CAMSAP3: variants seen among roughly 807,000 people sequenced by gnomAD.
CAMSAP3 encodes calmodulin regulated spectrin associated protein family member 3.
CAMSAP3 carries 34 observed loss-of-function variants against 112.5 expected under a neutral mutation model. The ratio of observed to expected loss-of-function variants is 0.30; its 90% CI spans 0.23 to 0.40. The LOEUF (loss-of-function observed/expected upper bound fraction) is 0.40. Ranked by LOEUF, CAMSAP3 falls within the 10% of genes least tolerant of loss-of-function variation. CAMSAP3 has a pLI of 1.00. For missense variants in CAMSAP3, 1,602 were observed against 1,770.3 expected (o/e 0.90, Z 1.71); for synonymous variants, 868 against 799.8 (o/e 1.09, Z -1.44).
At chr19:7,597,369 G>A (rs2024462387) in intron 1 of CAMSAP3, among the ~76,000 whole-genome samples, 1 of 152,176 alleles carries the variant, frequency 6.6e-6, no homozygotes, top group Admixed American at 6.5e-5. Context: ...GGACAGCCAG[G>A]ACAGCCCCAG....
rs1465991606 is a variant in CAMSAP3, at chr19:7,605,343, G to T, written c.266G>T (p.Arg89Leu). The T allele has an allele frequency of 3.7e-6, 6 of 1,607,702 alleles. No individual in the cohort carries two copies. In the Admixed American group the frequency reaches 1.0e-4, roughly 27 times the overall value. The change falls in exon 2 of 17, where the codon CGC (arginine) becomes CTC (leucine). Residue 89 changes from arginine (R) to leucine (L), a missense_variant. Arg to Leu is a moderately radical substitution (Grantham distance 102, BLOSUM62 -2). Transcript: ENST00000160298. ...GCCGAGCTCTACTGCAGAGCCTGGC[G>T]CCAGGCACTGCCACAGCTTGAAACA... Reference protein sequence around the residue: ...LSAELYCRAWRQALPQLETPP... With the variant: ...LSAELYCRAWLQALPQLETPP...
chr19:7,616,570 A>G lies in CAMSAP3; in HGVS notation c.3160A>G (p.Thr1054Ala). The change falls in exon 14 of 17, where the codon ACT (threonine) becomes GCT (alanine). Residue 1054 changes from threonine (T) to alanine (A), a missense_variant. This residue lies in a region of CAMSAP3 where 1,100 missense variants were observed against 1,135.7 expected (regional missense o/e 0.97). Coordinates refer to ENST00000160298, the MANE Select transcript of CAMSAP3 (RefSeq NM_020902.2). The stretch of plus-strand genomic sequence containing the variant: ...TTCCCAGTCCACCCTGTCACTGTCC[A>G]CTGTGGCCAACGAGGCCCACAATAA... ...IYSQSTLSLS[T>A]VANEAHNNLG... 1.2e-6 allele frequency: 2 copies of G among 1,611,404 alleles called. No individual in the cohort carries two copies. Among genetic ancestry groups the G allele is most frequent in the East Asian group, 2.2e-5 (1 of 44,738 alleles).
At position 7,611,673 on chromosome 19, in the gene CAMSAP3, C is replaced by A; in HGVS notation, c.1194-14C>A. On this transcript the variant is annotated splice_polypyrimidine_tract_variant and intron_variant, in intron 10 of 16. Coordinates refer to ENST00000160298, the MANE Select transcript of CAMSAP3 (RefSeq NM_020902.2). The surrounding 1 kb of genome is among the most constrained non-coding windows in gnomAD (Gnocchi z 6.9). ...GCTGGTCCCAGGGGCTGACCCCTCC[C>A]TCCGGCCGCCCAGCCGTCCCCTCTC... 2.6e-6 allele frequency: 4 copies of A among 1,566,220 alleles called. No homozygotes were observed. The highest frequency in any genetic ancestry group is 3.5e-6 in the Non-Finnish European group (4 of 1,152,904).
Position 7,617,180 on chromosome 19 carries a change from G to A in CAMSAP3, c.3213-146G>A. The A allele has an allele frequency of 1.5e-6, 1 of 665,100 alleles. No individual in the cohort carries two copies. Among genetic ancestry groups the A allele is most frequent in the Non-Finnish European group, 2.7e-6 (1 of 370,104 alleles). 41.2% of individuals were successfully genotyped at this position (665,100 alleles called of 1,614,324 possible). ...GATCTGCCCGCTTTGGCCTCCCGAA[G>A]TGCTGGGATTACAGGCATGAGCCAC... On this transcript the variant is annotated intron_variant, in intron 14 of 16. Coordinates refer to ENST00000160298, the MANE Select transcript of CAMSAP3 (RefSeq NM_020902.2). The surrounding 1 kb of genome is among the most constrained non-coding windows in gnomAD (Gnocchi z 7.5).
Position 7,610,767 on chromosome 19 carries a change from A to G in CAMSAP3, c.968A>G (p.Gln323Arg), listed in dbSNP as rs1231684881. The change falls in exon 7 of 17, where the codon CAA (glutamine) becomes CGA (arginine). Residue 323 changes from glutamine (Q) to arginine (R), a missense_variant. By Grantham distance (43) the Gln-to-Arg change is conservative (BLOSUM62 1). Transcript: ENST00000160298. This position sits in a 1 kb window ranked among gnomAD's most constrained non-coding sequence, Gnocchi z 4.9. ...GAGGTGCTCAAGCCCGACTTTGTGC[A>G]AGTGAAGGACTTGCCCGATGGTCAC... is the stretch of plus-strand genomic sequence containing the variant. ...CFEVLKPDFV[Q>R]VKDLPDGHAA... 1 of 1,613,882 alleles carries G rather than the reference A, an allele frequency of 6.2e-7. No homozygotes were observed. Among genetic ancestry groups the G allele is most frequent in the Non-Finnish European group, 8.5e-7 (1 of 1,179,988 alleles).
chr19:7,613,150 G>A lies in CAMSAP3; in HGVS notation c.2657G>A (p.Gly886Glu). 6.7e-7 allele frequency: 1 copy of A among 1,502,026 alleles called. No homozygotes were observed. Among genetic ancestry groups the A allele is most frequent in the Non-Finnish European group, 8.9e-7 (1 of 1,117,884 alleles). The allele number at this position is 1,502,026 out of a possible 1,614,324, so 93.0% of individuals were successfully genotyped here. The change falls in exon 11 of 17, where the codon GGG becomes GAG. Residue 886 changes from glycine to glutamate, a missense_variant. Coordinates refer to ENST00000160298, the MANE Select transcript of CAMSAP3 (RefSeq NM_020902.2). ...GAGGGGGAGCCCCGGGTGGGGCTGGGGTTCTTCTACAAGGTGAGTCCCCGA... is the reference window on the plus strand; with the variant it reads ...GAGGGGGAGCCCCGGGTGGGGCTGGAGTTCTTCTACAAGGTGAGTCCCCGA... Reference protein sequence around the residue: ...SSEGEPRVGLGFFYKDEDKPE... With the variant: ...SSEGEPRVGLEFFYKDEDKPE...
chr19:7,605,369 C>G lies in CAMSAP3; in HGVS notation c.292C>G (p.Pro98Ala), dbSNP rs771373080. The G allele has an allele frequency of 5.0e-6, 8 of 1,589,692 alleles. No homozygotes were observed. Among genetic ancestry groups the G allele is most frequent in the Non-Finnish European group, 6.9e-6 (8 of 1,164,830 alleles). ...WRQALPQLETPPNPSALLALL... is the reference protein window; with the variant it reads ...WRQALPQLETAPNPSALLALL... ...CCAGGCACTGCCACAGCTTGAAACA[C>G]CCCCCAACCCCTCTGCACTGCTGGC... Residue 98 changes from proline (P) to alanine (A), a missense_variant, in exon 2 of 17, where the codon CCC (proline) becomes GCC (alanine). Coordinates refer to ENST00000160298, the MANE Select transcript of CAMSAP3 (RefSeq NM_020902.2).
chr19:7,599,686 CCATCCACCCACGCACT>C (rs1201476362), intron 1 of CAMSAP3, among the ~76,000 whole-genome samples: 1 of 75,254 alleles, frequency 1.3e-5, no homozygotes, highest in Non-Finnish European at 2.6e-5. Flanking sequence ...CCCCACTCAT[CCATCCACCCACGCACT>C]CATCCACCCA....
chr19:7,606,156 A>ACC (rs57108239), intron 2 of CAMSAP3, 115 bp from the exon 3 acceptor site: 26,926 of 225,062 alleles, frequency 0.12, 1,495 homozygotes, highest in African/African-American at 0.18. Flanking sequence ...CTCAAGCCCC[A>ACC]CCCCCCCCGT....
At position 7,611,639 on chromosome 19, in the gene CAMSAP3, G is replaced by A; in HGVS notation, c.1194-48G>A. ...GGGGTGGAGCAGGCTAGGGCGGGTT[G>A]GGGCCGAGGCTGGTCCCAGGGGCTG... is the stretch of plus-strand genomic sequence containing the variant. On this transcript the variant is annotated intron_variant, in intron 10 of 16. Coordinates refer to ENST00000160298, the MANE Select transcript of CAMSAP3 (RefSeq NM_020902.2). This position sits in a 1 kb window ranked among gnomAD's most constrained non-coding sequence, Gnocchi z 6.9. 6.3e-7 allele frequency: 1 copy of A among 1,587,946 alleles called. No individual in the cohort carries two copies. The highest frequency in any genetic ancestry group is 8.6e-7 in the Non-Finnish European group (1 of 1,165,286).
At chr19:7,605,125 A>C in intron 1 of CAMSAP3, 101 bp from the exon 2 acceptor site, 1 of 708,440 alleles carries the variant, frequency 1.4e-6, no homozygotes, top group Non-Finnish European at 2.1e-6. Context: ...TGGTCCAGAC[A>C]CACTCTTAAT....
At position 7,606,514 on chromosome 19, in the gene CAMSAP3, G is replaced by C. The variant is rs1350003874; in HGVS notation, c.564G>C (p.Ala188=). The C allele has an allele frequency of 6.4e-7, 1 of 1,553,902 alleles. No individual in the cohort carries two copies. The highest frequency in any genetic ancestry group is 8.6e-7 in the Non-Finnish European group (1 of 1,158,434). ...RRLQEKTEQE[A]AQRASPAAPA... ...TGCAGGAGAAGACCGAGCAGGAAGC[G>C]GCCCAGCGAGCCTCTCCAGCAGCCC... The change falls in exon 4 of 17, where the codon GCG becomes GCC. Residue 188 remains alanine (A), a synonymous_variant. Transcript: ENST00000160298.
chr19:7,601,290 C>G (rs1211537650), intron 1 of CAMSAP3, among the ~76,000 whole-genome samples: 1 of 152,112 alleles, frequency 6.6e-6, no homozygotes, highest in Non-Finnish European at 1.5e-5. Flanking sequence ...CTTGACGGCT[C>G]ATTGGGCTCA....
intron 1 of CAMSAP3, among the ~76,000 whole-genome samples, chr19:7,596,449 C>T (rs1377284286): frequency 6.6e-6 from 1 of 151,970 alleles, no homozygotes; most frequent in Non-Finnish European, 1.5e-5. Context: ...GTCTGCGGGC[C>T]GGGTGGGGTC....
At position 7,611,668 on chromosome 19, in the gene CAMSAP3, C is replaced by G; in HGVS notation, c.1194-19C>G. 6.4e-7 allele frequency: 1 copy of G among 1,568,860 alleles called. No homozygotes were observed. Among genetic ancestry groups the G allele is most frequent in the Non-Finnish European group, 8.7e-7 (1 of 1,154,096 alleles). ...CCGAGGCTGGTCCCAGGGGCTGACC[C>G]CTCCCTCCGGCCGCCCAGCCGTCCC... On this transcript the variant is annotated intron_variant, in intron 10 of 16. Coordinates refer to ENST00000160298, the MANE Select transcript of CAMSAP3 (RefSeq NM_020902.2). The surrounding 1 kb of genome is among the most constrained non-coding windows in gnomAD (Gnocchi z 6.9).
At position 7,601,763 on chromosome 19, in the gene CAMSAP3, A is replaced by G. The variant is rs932104555; in HGVS notation, c.149-3463A>G. ...AAAATAAAATAAAATAAATGAATAAATAAAATAAAAAGAAAGTGGGGCCAG... is the reference window on the plus strand; with the variant it reads ...AAAATAAAATAAAATAAATGAATAAGTAAAATAAAAAGAAAGTGGGGCCAG... On this transcript the variant is annotated intron_variant, in intron 1 of 16. Transcript: ENST00000160298. Among the ~76,000 whole-genome samples the G allele has an allele frequency of 9.2e-4, 138 of 150,252 alleles. 1 individual carries two copies. The highest frequency in any genetic ancestry group is 3.4e-3 in the African/African-American group (137 of 40,216).
rs566897530 is a variant in CAMSAP3 at position 7,602,848 on chromosome 19, G to T, written c.149-2378G>T. On this transcript the variant is annotated intron_variant, in intron 1 of 16. Transcript: ENST00000160298. ...AGCCCAGGCGAGATACGGGCCCACAGATATGCTTTGGAGGTCCCTGCTGGC... is the reference window on the plus strand; with the variant it reads ...AGCCCAGGCGAGATACGGGCCCACATATATGCTTTGGAGGTCCCTGCTGGC... Among the ~76,000 whole-genome samples, 26 of 151,330 alleles carry T rather than the reference G, an allele frequency of 1.7e-4. No individual in the cohort carries two copies. In the East Asian group the frequency reaches 4.1e-3, roughly 24 times the overall value.
chr19:7,596,162 CG>C lies in CAMSAP3; in HGVS notation c.148+17del. 1.3e-4 allele frequency: 9 copies of C among 71,772 alleles called. No individual in the cohort carries two copies. The highest frequency in any genetic ancestry group is 1.4e-4 in the Non-Finnish European group (7 of 49,428). 4.4% of individuals were successfully genotyped at this position (71,772 alleles called of 1,614,324 possible). A position where few individuals can be genotyped will look rare whatever the true frequency, so the allele number is the denominator to read the frequency against. On this transcript the variant is annotated intron_variant, in intron 1 of 16. Transcript: ENST00000160298. ...GTTCGGGGGCGCAGGTACCGGGGCT[CG>C]GGGGACCGGGGTCGGGGGCGGCGGG...
rs941879369 is a variant in CAMSAP3, at chr19:7,611,013, T to G, written c.1049+82T>G. 1 of 1,589,260 alleles carries G rather than the reference T, an allele frequency of 6.3e-7. No individual in the cohort carries two copies. Among genetic ancestry groups the G allele is most frequent in the Non-Finnish European group, 8.6e-7 (1 of 1,160,594 alleles). ...GCCTTGCTGAGCACTGGGACGCAGC[T>G]GGGTGATGCTGTTGTCTCCCCCCGG... is the stretch of plus-strand genomic sequence containing the variant. On this transcript the variant is annotated intron_variant, in intron 8 of 16. Transcript: ENST00000160298. The surrounding 1 kb of genome is among the most constrained non-coding windows in gnomAD (Gnocchi z 6.9).
Sources: gnomAD v4.1 joint callset for allele counts (sites outside exome capture counted in the v4.1 genomes callset) on GRCh38, gnomAD v4.1.1 for gene constraint, gnomAD v4.1.1 regional missense constraint, Gnocchi (gnomAD v3.1) non-coding constraint, MANE v1.5 for transcripts, NCBI Gene and HGNC (gene_info 2026-07-23, HGNC 2026-07-21) for gene names.